JARID2: variants seen among roughly 807,000 people sequenced by gnomAD.
The protein encoded by JARID2 is jumonji and AT-rich interaction domain containing 2.
JARID2 carries 21 observed loss-of-function variants against 125.6 expected under a neutral mutation model. The ratio of observed to expected loss-of-function variants is 0.17; its 90% CI spans 0.12 to 0.24. The LOEUF (loss-of-function observed/expected upper bound fraction) is 0.24, where lower values mean the gene tolerates loss of function less well. JARID2 is among the 10% of genes least tolerant of loss of function. The pLI is 1.00. For synonymous variants in JARID2, 736 were observed against 661.6 expected (o/e 1.11, Z -1.73); for missense variants, 1,303 against 1,639.6 (o/e 0.79, Z 3.55).
rs567979334 is a variant in JARID2 at position 15,507,473 on chromosome 6, T to C, written c.2731+57T>C. On this transcript the variant is annotated intron_variant, in intron 11 of 17. Coordinates refer to ENST00000341776, the MANE Select transcript of JARID2 (RefSeq NM_004973.4). Reference sequence around the variant, plus strand: ...AGCTGTGTCCATGAGTCCTACTTGCTGAGAACCAGGGCTGGGAAATCCCTT... The same window carrying C: ...AGCTGTGTCCATGAGTCCTACTTGCCGAGAACCAGGGCTGGGAAATCCCTT... 1.3e-4 allele frequency: 197 copies of C among 1,468,894 alleles called. No homozygotes were observed. The South Asian group carries it at 1.7e-3, about 12-fold the overall frequency. 91.0% of individuals were successfully genotyped at this position (1,468,894 alleles called of 1,614,324 possible).
intron 3 of JARID2, among the ~76,000 whole-genome samples, chr6:15,416,074 C>G (rs1183299912): frequency 6.6e-6 from 1 of 151,934 alleles, no homozygotes; most frequent in Admixed American, 6.6e-5. Flanking sequence ...AGGCGCTCCC[C>G]ACATCTCAGA....
At chr6:15,287,044 T>C (rs968725599) in intron 1 of JARID2, among the ~76,000 whole-genome samples, 4 of 152,128 alleles carry the variant, frequency 2.6e-5, no homozygotes, top group African/African-American at 9.7e-5. Context: ...ACCTGAGGCT[T>C]GAACCTGGGA....
At chr6:15,480,029 G>T (rs963756867) in intron 5 of JARID2, among the ~76,000 whole-genome samples, 13 of 152,234 alleles carry the variant, frequency 8.5e-5, no homozygotes, top group African/African-American at 3.1e-4. Flanking sequence ...GACGGAGTCT[G>T]TGTCTTGCCC....
chr6:15,366,518 C>T lies in JARID2; in HGVS notation c.46-7599C>T, dbSNP rs867821907. On this transcript the variant is annotated intron_variant, in intron 1 of 17. Coordinates refer to ENST00000341776, the MANE Select transcript of JARID2 (RefSeq NM_004973.4). ...ATATGTGGGTGGGGGGCGGGGGGGG[C>T]GGGGGGGGTGGGGGGTGGGGTTGGC... 4.2e-3 allele frequency among the ~76,000 whole-genome samples: 61 copies of T among 14,428 alleles called. 1 individual carries two copies. The highest frequency in any genetic ancestry group is 0.011 in the South Asian group (2 of 186). The allele number at this position is 14,428 out of a possible 152,430, so 9.5% of individuals were successfully genotyped here.
At chr6:15,415,583 C>T (rs1004360412) in intron 3 of JARID2, among the ~76,000 whole-genome samples, 1 of 133,972 alleles carries the variant, frequency 7.5e-6, no homozygotes, top group Non-Finnish European at 1.7e-5. Context: ...GGGCTGCTGG[C>T]CGGGCGGGGG....
intron 11 of JARID2, 139 bp downstream of exon 11, chr6:15,507,555 T>C: frequency 1.5e-6 from 1 of 661,668 alleles, no homozygotes; most frequent in Non-Finnish European, 2.6e-6. Flanking sequence ...ACAGTGAAAA[T>C]TGATTTTTAG....
At chr6:15,354,855 A>G (rs1001478127) in intron 1 of JARID2, among the ~76,000 whole-genome samples, 1 of 152,212 alleles carries the variant, frequency 6.6e-6, no homozygotes, top group African/African-American at 2.4e-5. Context: ...AGACTGGGGT[A>G]TAGGTTGGTC....
At position 15,459,464 on chromosome 6, in the gene JARID2, G is replaced by A. The variant is rs143412469; in HGVS notation, c.493+7289G>A. ...GTATGTGTTCAGTAGAGATGCAACCGTCCCTTTTTTTACCTGAATGTTTTT... is the reference window on the plus strand; with the variant it reads ...GTATGTGTTCAGTAGAGATGCAACCATCCCTTTTTTTACCTGAATGTTTTT... On this transcript the variant is annotated intron_variant, in intron 4 of 17. Coordinates refer to ENST00000341776, the MANE Select transcript of JARID2 (RefSeq NM_004973.4). 9.1e-3 allele frequency among the ~76,000 whole-genome samples: 1,384 copies of A among 152,250 alleles called. 21 individuals carry two copies. The highest frequency in any genetic ancestry group is 0.032 in the African/African-American group (1,316 of 41,548).
At chr6:15,380,842 T>TA (rs1561825501) in intron 2 of JARID2, among the ~76,000 whole-genome samples, 1 of 152,060 alleles carries the variant, frequency 6.6e-6, no homozygotes, top group African/African-American at 2.4e-5. Context: ...TGAATCAAAA[T>TA]AAAAAAATGT....
At chr6:15,273,079 A>C (rs918128946) in intron 1 of JARID2, among the ~76,000 whole-genome samples, 1 of 152,174 alleles carries the variant, frequency 6.6e-6, no homozygotes, top group Non-Finnish European at 1.5e-5. Flanking sequence ...GATTCAGCAT[A>C]TGGCATTTAC....
chr6:15,328,762 C>G (rs937363638), intron 1 of JARID2, among the ~76,000 whole-genome samples: 1 of 152,208 alleles, frequency 6.6e-6, no homozygotes, highest in African/African-American at 2.4e-5. Context: ...GTTTCAAATT[C>G]ACGATGACTT....
In JARID2 at chr6:15,513,258, C is replaced by T; in HGVS notation, c.3286C>T (p.Arg1096Cys). The T allele has an allele frequency of 6.4e-7, 1 of 1,571,762 alleles. No individual in the cohort carries two copies. ...TGGCAGGGATACAGAGCTGCGGCAG[C>T]GCAGGCAGCTGTTCGAGGCTGGCCT... ...DELRDTELRQRRQLFEAGLHS... is the reference protein window; with the variant it reads ...DELRDTELRQCRQLFEAGLHS... The change falls in exon 16 of 18, where the codon CGC becomes TGC. Residue 1096 changes from arginine (R) to cysteine (C), a missense_variant. Transcript: ENST00000341776.
In JARID2 at chr6:15,401,690, G is replaced by A. The variant is rs191941708; in HGVS notation, c.182-8534G>A. Among the ~76,000 whole-genome samples, 600 of 152,120 alleles carry A rather than the reference G, an allele frequency of 3.9e-3. 5 individuals are homozygous for A. The highest frequency in any genetic ancestry group is 0.013 in the African/African-American group (522 of 41,510). ...GCTCTTGATTCTTCTCCCGAATTTC[G>A]TGCATTAATTCATGTCTGTATTACT... On this transcript the variant is annotated intron_variant, in intron 2 of 17. Transcript: ENST00000341776.
In JARID2 at chr6:15,505,625, T is replaced by C. The variant is rs139340212; in HGVS notation, c.2541+1033T>C. Among the ~76,000 whole-genome samples the C allele has an allele frequency of 1.3e-5, 2 of 152,366 alleles. 1 individual carries two copies. The highest frequency in any genetic ancestry group is 2.9e-5 in the Non-Finnish European group (2 of 68,030). The stretch of plus-strand genomic sequence containing the variant: ...TAGTGTGGGGAATAGAGGTTTACCT[T>C]TCACGCCATTTTCATCGTCTTAGGA... On this transcript the variant is annotated intron_variant, in intron 9 of 17. Coordinates refer to ENST00000341776, the MANE Select transcript of JARID2 (RefSeq NM_004973.4).
At position 15,518,182 on chromosome 6, in the gene JARID2, C is replaced by T. The variant is rs77198426; in HGVS notation, c.3558+914C>T. ...ACAGTTGCAAATAACGAAGCCTTTG[C>T]GGCTGAGCACGAGCATGGCTCTGGC... On this transcript the variant is annotated intron_variant, in intron 17 of 17. Coordinates refer to ENST00000341776, the MANE Select transcript of JARID2 (RefSeq NM_004973.4). 9.6e-3 allele frequency among the ~76,000 whole-genome samples: 1,459 copies of T among 152,342 alleles called. 6 individuals carry two copies. The highest frequency in any genetic ancestry group is 0.014 in the Non-Finnish European group (923 of 68,028).
intron 1 of JARID2, among the ~76,000 whole-genome samples, chr6:15,362,769 A>G (rs1366353796): frequency 6.6e-6 from 1 of 152,122 alleles, no homozygotes; most frequent in African/African-American, 2.4e-5. Flanking sequence ...AGATGGTTGG[A>G]ATTGGGATTA....
Position 15,246,296 on chromosome 6 carries a change from G to C in JARID2, c.-244G>C, listed in dbSNP as rs1759182423. 1 of 554,856 alleles carries C rather than the reference G, an allele frequency of 1.8e-6. No individual in the cohort carries two copies. Among genetic ancestry groups the C allele is most frequent in the Admixed American group, 3.4e-5 (1 of 29,034 alleles). The allele number at this position is 554,856 out of a possible 1,614,324, so 34.4% of individuals were successfully genotyped here. ...TCGGGGGAAATTTTCCATTATGAGT[G>C]TTTTACTAAAGTGAATTTTTTTTTG... On this transcript the variant is annotated 5_prime_UTR_variant, in exon 1 of 18. Coordinates refer to ENST00000341776, the MANE Select transcript of JARID2 (RefSeq NM_004973.4).
At chr6:15,343,227 C>CA (rs11471181) in intron 1 of JARID2, among the ~76,000 whole-genome samples, 1,305 of 74,864 alleles carry the variant, frequency 0.017, 13 homozygotes, top group African/African-American at 0.021. Flanking sequence ...GAAACTCCGT[C>CA]AAAAAAAAAA....
intron 3 of JARID2, among the ~76,000 whole-genome samples, chr6:15,433,758 TG>T (rs1767073329): frequency 6.6e-6 from 1 of 152,148 alleles, no homozygotes; most frequent in African/African-American, 2.4e-5. Flanking sequence ...TTTGGGGATA[TG>T]GGGGGAAAAT....
Sources: allele counts gnomAD v4.1 joint callset (sites outside exome capture counted in the v4.1 genomes callset), GRCh38; gene constraint gnomAD v4.1.1; transcripts MANE v1.5; gene names NCBI Gene and HGNC (gene_info 2026-07-23, HGNC 2026-07-21).